Variants in CYBA observed in about 807,000 individuals in gnomAD.
The protein encoded by CYBA is cytochrome b-245 alpha chain.
CYBA carries 21 observed loss-of-function variants against 20.8 expected under a neutral mutation model. The observed-to-expected ratio is 1.01, with a 90% confidence interval of 0.72 to 1.46. The LOEUF (loss-of-function observed/expected upper bound fraction) is 1.46. CYBA is among the 40% of genes most tolerant of loss of function. The pLI, the probability that CYBA is intolerant of heterozygous loss-of-function variation, is 0.00. For synonymous variants in CYBA, 164 were observed against 127.5 expected (o/e 1.29, Z -1.93); for missense variants, 344 against 287.0 (o/e 1.20, Z -1.43).
At position 88,646,153 on chromosome 16, in the gene CYBA, G is replaced by A; in HGVS notation, c.332C>T (p.Thr111Ile). Residue 111 changes from threonine (T) to isoleucine (I), a missense_variant, in exon 5 of 6, where the codon ACC becomes ATC. Transcript: ENST00000261623. ...AGFLLATILG[T>I]ACLAIASGIY... ...GCCGCTCGCAATGGCCAGGCAGGCG[G>A]TCCCAAGGATGGTGGCCAGCAGGAA... is the stretch of plus-strand genomic sequence containing the variant. The A allele has an allele frequency of 6.4e-7, 1 of 1,560,370 alleles. No homozygotes were observed. The highest frequency in any genetic ancestry group is 1.2e-5 in the South Asian group (1 of 84,828).
At chr16:88,650,852 C>T (rs1417874534) in intron 1 of CYBA, 104 bp downstream of exon 1, 2 of 1,307,368 alleles carry the variant, frequency 1.5e-6, no homozygotes, top group Non-Finnish European at 2.1e-6. Flanking sequence ...GCCTGGCCCG[C>T]CTGGCGCCCC....
At position 88,646,658 on chromosome 16, in the gene CYBA, G is replaced by T. The variant is rs745463536; in HGVS notation, c.287+97C>A. 4.6e-5 allele frequency: 48 copies of T among 1,052,058 alleles called. No individual in the cohort carries two copies. In the Admixed American group the frequency reaches 6.4e-4, roughly 14 times the overall value. 65.2% of individuals were successfully genotyped at this position (1,052,058 alleles called of 1,614,324 possible). On this transcript the variant is annotated intron_variant, in intron 4 of 5. Transcript: ENST00000261623. ...TTGGAAAAACACTGAGGTAAGTGGG[G>T]GTGGCTCCTGTCCAGGCAGCCCGGC...
At position 88,645,044 on chromosome 16, in the gene CYBA, T is replaced by G. The variant is rs186991662; in HGVS notation, c.369+1072A>C. 1.2e-3 allele frequency: 749 copies of G among 637,990 alleles called. 2 individuals carry two copies. The African/African-American group carries it at 0.012, about 10-fold the overall frequency. 39.5% of individuals were successfully genotyped at this position (637,990 alleles called of 1,614,324 possible). A position where few individuals can be genotyped will look rare whatever the true frequency, so the allele number is the denominator to read the frequency against. ...AGAGATGGGGCCACATGGCTGGTGG[T>G]GGGTTGTCTGCTGAGGAGCAGCTGA... On this transcript the variant is annotated intron_variant, in intron 5 of 5. Transcript: ENST00000261623.
intron 2 of CYBA, among the ~76,000 whole-genome samples, 185 bp from the exon 3 acceptor site, chr16:88,647,360 A>G (rs1844096779): frequency 6.6e-6 from 1 of 152,174 alleles, no homozygotes; most frequent in African/African-American, 2.4e-5. Context: ...TGGGCAACAT[A>G]GTGAGACCCT....
chr16:88,647,053 C>T (rs765223028), intron 3 of CYBA, 48 bp downstream of exon 3: 1 of 1,548,506 alleles, frequency 6.5e-7, no homozygotes. Flanking sequence ...TGAGCCCTGC[C>T]TGGGCCCCGC....
Position 88,643,560 on chromosome 16 carries a change from A to C in CYBA, c.381T>G (p.Arg127=), listed in dbSNP as rs12123. ...GCTCGATGGGCGTCCACTGCTCGCC[A>C]CGCACAGCCGCCTGCGGGGCACTGA... ...ASGIYLLAAV[R]GEQWTPIEPK... Residue 127 remains arginine (R), a synonymous_variant, in exon 6 of 6, where the codon CGT becomes CGG. Transcript: ENST00000261623. This position sits in a 1 kb window ranked among gnomAD's most constrained non-coding sequence, Gnocchi z 4.3. The C allele has an allele frequency of 7.8e-6, 12 of 1,533,020 alleles. No homozygotes were observed. The highest frequency in any genetic ancestry group is 1.0e-5 in the Non-Finnish European group (12 of 1,145,754). 95.0% of individuals were successfully genotyped at this position (1,533,020 alleles called of 1,614,324 possible).
chr16:88,645,804 G>A (rs1347024066), intron 5 of CYBA: 9 of 550,476 alleles, frequency 1.6e-5, no homozygotes, highest in Admixed American at 6.3e-5. Flanking sequence ...CGTGACCCCA[G>A]GCCAGTCACA....
At chr16:88,650,293 G>A (rs565290320) in intron 1 of CYBA, 1 of 440,384 alleles carries the variant, frequency 2.3e-6, no homozygotes, top group African/African-American at 2.0e-5. Flanking sequence ...GTCCCGAGAG[G>A]GTCCATTTCC....
intron 4 of CYBA, 62 bp downstream of exon 4, chr16:88,646,693 A>G (rs1039974196): frequency 3.2e-5 from 47 of 1,447,038 alleles, no homozygotes; most frequent in Non-Finnish European, 4.5e-5. Flanking sequence ...CCGGTGGGAC[A>G]GTGGGGAGGG....
In CYBA at chr16:88,643,534, G is replaced by A. The variant is rs1436213793; in HGVS notation, c.407C>T (p.Pro136Leu). 1.3e-6 allele frequency: 2 copies of A among 1,535,032 alleles called. No homozygotes were observed. The highest frequency in any genetic ancestry group is 1.2e-5 in the South Asian group (1 of 84,042). ...VRGEQWTPIE[P>L]KPRERPQIGG... is the part of the protein sequence containing the mutation. Reference sequence around the variant, plus strand: ...GATCTGCGGCCGCTCCCGGGGCTTGGGCTCGATGGGCGTCCACTGCTCGCC... The same window carrying A: ...GATCTGCGGCCGCTCCCGGGGCTTGAGCTCGATGGGCGTCCACTGCTCGCC... The change falls in exon 6 of 6, where the codon CCC becomes CTC. Residue 136 changes from proline (P) to leucine (L), a missense_variant. Coordinates refer to ENST00000261623, the MANE Select transcript of CYBA (RefSeq NM_000101.4). The surrounding 1 kb of genome is among the most constrained non-coding windows in gnomAD (Gnocchi z 4.3).
rs1261629382 is a variant in CYBA at position 88,643,728 on chromosome 16, G to T, written c.370-157C>A. 1 of 732,760 alleles carries T rather than the reference G, an allele frequency of 1.4e-6. No homozygotes were observed. The highest frequency in any genetic ancestry group is 2.9e-5 in the East Asian group (1 of 34,484). The allele number at this position is 732,760 out of a possible 1,614,324, so 45.4% of individuals were successfully genotyped here. ...GCCACTCAGAGAGGTTAAGTGACGCGCCCGAGGCCACACAGCCAGGACCTG... is the reference window on the plus strand; with the variant it reads ...GCCACTCAGAGAGGTTAAGTGACGCTCCCGAGGCCACACAGCCAGGACCTG... On this transcript the variant is annotated intron_variant, in intron 5 of 5. Transcript: ENST00000261623. The surrounding 1 kb of genome is among the most constrained non-coding windows in gnomAD (Gnocchi z 4.3).
At chr16:88,647,952 G>T (rs372672159) in intron 2 of CYBA, 93 bp downstream of exon 2, 1 of 1,241,136 alleles carries the variant, frequency 8.1e-7, no homozygotes. Flanking sequence ...GGCTGCGGTG[G>T]TGGGGAGCGG....
chr16:88,650,272 C>A, intron 1 of CYBA: 2 of 423,530 alleles, frequency 4.7e-6, no homozygotes, highest in South Asian at 3.4e-5. Flanking sequence ...GCCAGACACT[C>A]CCTGGCCCTG....
rs190605276 is a variant in CYBA at position 88,645,829 on chromosome 16, C to T, written c.369+287G>A. ...GGCCAGTCACAGCACCTCCCTGAGCCTCCGCATCTTTGTCTGTAAAGTGGG... is the reference window on the plus strand; with the variant it reads ...GGCCAGTCACAGCACCTCCCTGAGCTTCCGCATCTTTGTCTGTAAAGTGGG... On this transcript the variant is annotated intron_variant, in intron 5 of 5. Transcript: ENST00000261623. 1.5e-4 allele frequency: 82 copies of T among 559,250 alleles called. No homozygotes were observed. In the African/African-American group the frequency reaches 1.5e-3, roughly 10 times the overall value. 34.6% of individuals were successfully genotyped at this position (559,250 alleles called of 1,614,324 possible).
rs998696426 is a variant in CYBA at position 88,647,312 on chromosome 16, C to T, written c.129-137G>A. On this transcript the variant is annotated intron_variant, in intron 2 of 5. Transcript: ENST00000261623. ...ATCCCAGCATTTTGGGAGGCTGAGG[C>T]GGGAGGATCACTGGAGCCCAGGAGT... is the stretch of plus-strand genomic sequence containing the variant. 7.9e-5 allele frequency: 64 copies of T among 813,462 alleles called. No homozygotes were observed. The African/African-American group carries it at 1.0e-3, about 13-fold the overall frequency. 50.4% of individuals were successfully genotyped at this position (813,462 alleles called of 1,614,324 possible).
At chr16:88,645,004 C>G (rs1245275593) in intron 5 of CYBA, 3 of 610,800 alleles carry the variant, frequency 4.9e-6, no homozygotes, top group African/African-American at 3.7e-5. Context: ...GGGAGAAAGC[C>G]TAGTGCATGG....
intron 5 of CYBA, chr16:88,645,539 G>T (rs1907246856): frequency 1.5e-6 from 1 of 652,966 alleles, no homozygotes; most frequent in Non-Finnish European, 2.8e-6. Flanking sequence ...AGGGCAGGCA[G>T]AGGGCATTTC....
At chr16:88,650,922 G>A (rs1311226841) in intron 1 of CYBA, 34 bp downstream of exon 1, 46 of 1,570,086 alleles carry the variant, frequency 2.9e-5, no homozygotes, top group Non-Finnish European at 3.9e-5. Flanking sequence ...ACCCCTCCAG[G>A]CTGCAGCCTC....
intron 5 of CYBA, chr16:88,645,273 G>T (rs1334336582): frequency 1.4e-6 from 1 of 702,470 alleles, no homozygotes; most frequent in Admixed American, 2.0e-5. Flanking sequence ...CTAAAGGAGA[G>T]TTCTGCCGGT....
Sources: gnomAD v4.1 joint callset for allele counts (sites outside exome capture counted in the v4.1 genomes callset) on GRCh38, gnomAD v4.1.1 for gene constraint, Gnocchi (gnomAD v3.1) non-coding constraint, MANE v1.5 for transcripts, NCBI Gene and HGNC (gene_info 2026-07-23, HGNC 2026-07-21) for gene names.